Variants in ASPRV1 observed in about 807,000 individuals in gnomAD.
ASPRV1 encodes retroviral-like aspartic protease 1.
A neutral mutation model predicts 11.0 loss-of-function variants in ASPRV1; 7 were observed. The ratio of observed to expected loss-of-function variants is 0.64; its 90% CI spans 0.36 to 1.20. The LOEUF is 1.20. Among genes scored for constraint, ASPRV1 ranks in the 50% most tolerant of loss-of-function variants. The pLI is 0.02. For synonymous variants in ASPRV1, 136 were observed against 138.4 expected (o/e 0.98, Z 0.12); for missense variants, 299 against 320.0 (o/e 0.93, Z 0.50).
the ASPRV1 span, chr2:70,017,920 G>C: frequency 6.6e-6 from 1 of 151,986 alleles, no homozygotes; most frequent in Non-Finnish European, 1.5e-5. Context: ...TGGGAGGATC[G>C]CCTGAGCTCA....
At chr2:70,053,679 C>G in the ASPRV1 span, 2 of 152,160 alleles carry the variant, frequency 1.3e-5, no homozygotes, top group African/African-American at 2.4e-5. Context: ...CAGAAGTCTA[C>G]AAACTATCAA....
the ASPRV1 span, among the ~76,000 whole-genome samples, chr2:69,990,990 G>A: frequency 6.6e-6 from 1 of 152,178 alleles, no homozygotes; most frequent in Non-Finnish European, 1.5e-5. Flanking sequence ...CATCTCAGAT[G>A]GGACCCCAGC....
At chr2:70,069,865 GA>G in the ASPRV1 span, among the ~76,000 whole-genome samples, 3 of 148,958 alleles carry the variant, frequency 2.0e-5, no homozygotes, top group Non-Finnish European at 4.5e-5. Context: ...AAGGAGGTTG[GA>G]AAAAAAAAGA....
the ASPRV1 span, among the ~76,000 whole-genome samples, chr2:69,978,767 C>T: frequency 7.2e-5 from 11 of 152,314 alleles, no homozygotes; most frequent in Non-Finnish European, 5.9e-5. Context: ...ACAGGAGAGC[C>T]GGGCTGCCTC....
At chr2:70,000,214 G>A in the ASPRV1 span, among the ~76,000 whole-genome samples, 1 of 151,908 alleles carries the variant, frequency 6.6e-6, no homozygotes, top group African/African-American at 2.4e-5. Flanking sequence ...TGGGCAAGGT[G>A]GCTCACACCT....
the ASPRV1 span, among the ~76,000 whole-genome samples, chr2:70,000,885 G>A: frequency 2.6e-3 from 392 of 150,920 alleles, 3 homozygotes; most frequent in African/African-American, 8.8e-3. Context: ...AATTACCAAC[G>A]GCTGGCCTGT....
the ASPRV1 span, chr2:70,015,821 GAC>G: frequency 6.6e-6 from 1 of 152,176 alleles, no homozygotes; most frequent in Non-Finnish European, 1.5e-5. Flanking sequence ...AAATTAGCTG[GAC>G]ATGGTGGCTC....
chr2:69,990,134 C>A, the ASPRV1 span, among the ~76,000 whole-genome samples: 1 of 152,186 alleles, frequency 6.6e-6, no homozygotes, highest in South Asian at 2.1e-4. Context: ...AGGGCTTGAA[C>A]CCCGGTGCCT....
At chr2:70,038,505 A>G in the ASPRV1 span, among the ~76,000 whole-genome samples, 1 of 152,186 alleles carries the variant, frequency 6.6e-6, no homozygotes, top group South Asian at 2.1e-4. Flanking sequence ...GCCTGAGGCC[A>G]AGAGTTTGAG....
the ASPRV1 span, among the ~76,000 whole-genome samples, chr2:70,037,028 G>A: frequency 1.3e-5 from 2 of 151,990 alleles, no homozygotes; most frequent in Non-Finnish European, 2.9e-5. Context: ...CCAAATCTAG[G>A]GAGTCTCCAC....
chr2:69,958,992 C>A (rs561181286), downstream of ASPRV1, among the ~76,000 whole-genome samples: 1 of 152,270 alleles, frequency 6.6e-6, no homozygotes, highest in African/African-American at 2.4e-5. Context: ...CCTCGGTAAA[C>A]CCCGAGGATT....
chr2:70,046,145 CTG>C, the ASPRV1 span: 1 of 152,228 alleles, frequency 6.6e-6, no homozygotes, highest in Non-Finnish European at 1.5e-5. Context: ...GCTACCCCTC[CTG>C]CTCTAGTCAG....
At chr2:69,952,296 G>A in the ASPRV1 span, among the ~76,000 whole-genome samples, 1 of 152,182 alleles carries the variant, frequency 6.6e-6, no homozygotes, top group South Asian at 2.1e-4. Flanking sequence ...TTGGGCGGGA[G>A]AATTGCTTGA....
At chr2:70,084,039 G>A in the ASPRV1 span, among the ~76,000 whole-genome samples, 1 of 152,080 alleles carries the variant, frequency 6.6e-6, no homozygotes, top group African/African-American at 2.4e-5. Context: ...GTCCAAACGT[G>A]GGCTACCGAA....
the ASPRV1 span, among the ~76,000 whole-genome samples, chr2:69,971,656 G>A: frequency 6.6e-6 from 1 of 152,206 alleles, no homozygotes; most frequent in Non-Finnish European, 1.5e-5. Flanking sequence ...AGAGCATCAG[G>A]TGCAAGAATG....
At chr2:70,030,217 C>T in the ASPRV1 span, 1 of 152,272 alleles carries the variant, frequency 6.6e-6, no homozygotes, top group Non-Finnish European at 1.5e-5. Flanking sequence ...TCCCCTATCT[C>T]AGGGAAAGCA....
chr2:70,068,729 T>C, the ASPRV1 span, among the ~76,000 whole-genome samples: 1 of 150,604 alleles, frequency 6.6e-6, no homozygotes, highest in African/African-American at 2.4e-5. Flanking sequence ...AGGTCGGGAG[T>C]TCGAGACCAG....
chr2:70,039,695 C>G, the ASPRV1 span, among the ~76,000 whole-genome samples: 2 of 152,320 alleles, frequency 1.3e-5, no homozygotes, highest in African/African-American at 2.4e-5. Context: ...CCTACTGCAC[C>G]TAAGGGTGGC....
At chr2:69,986,428 G>C in the ASPRV1 span, among the ~76,000 whole-genome samples, 1 of 152,168 alleles carries the variant, frequency 6.6e-6, no homozygotes, top group Non-Finnish European at 1.5e-5. Flanking sequence ...GCTCATGAGG[G>C]GCTGCCCTCT....
Sources: gnomAD v4.1 joint callset for allele counts (sites outside exome capture counted in the v4.1 genomes callset) on GRCh38, gnomAD v4.1.1 for gene constraint, MANE v1.5 for transcripts, NCBI Gene and HGNC (gene_info 2026-07-23, HGNC 2026-07-21) for gene names.